The following FABP12 variants were observed in gnomAD, a reference collection of about 807,000 sequenced individuals.
FABP12 encodes fatty acid-binding protein 12.
Under a neutral mutation model 13.7 loss-of-function variants are expected in FABP12, and 19 were observed. That is an observed-to-expected ratio of 1.39 (90% CI 0.97 to 2.04). The LOEUF is 2.04. FABP12 is among the 30% of genes most tolerant of loss of function. The probability of loss-of-function intolerance (pLI) is 0.00; values close to 1 mark genes in which losing one functional copy is unlikely to be tolerated. For synonymous variants in FABP12, 61 were observed against 57.0 expected (o/e 1.07, Z -0.32); for missense variants, 182 against 164.2 (o/e 1.11, Z -0.59).
chr8:81,551,207 A>G (rs546879175), intron 1 of FABP12, among the ~76,000 whole-genome samples: 11 of 152,160 alleles, frequency 7.2e-5, no homozygotes, highest in Non-Finnish European at 1.3e-4. Context: ...ATCCCTAGAC[A>G]TGTTGATGGG....
chr8:81,529,330 T>G, intron 3 of FABP12, 108 bp downstream of exon 3: 1 of 1,088,248 alleles, frequency 9.2e-7, no homozygotes, highest in Non-Finnish European at 1.4e-6. Flanking sequence ...TAGACAAAAG[T>G]TCCTCTTAAG....
Position 81,570,296 on chromosome 8 carries a change from C to T in FABP12, c.-185+19757G>A, listed in dbSNP as rs1387253894. ...TTCTCTTTGCTCACAACATGGCAAGCGAGGCGCATGTTTCAGCCCCGTTTG... is the reference window on the plus strand; with the variant it reads ...TTCTCTTTGCTCACAACATGGCAAGTGAGGCGCATGTTTCAGCCCCGTTTG... On this transcript the variant is annotated intron_variant, in intron 1 of 5. Transcript: ENST00000692030. 1.1e-4 allele frequency among the ~76,000 whole-genome samples: 16 copies of T among 152,292 alleles called. No individual in the cohort carries two copies. The East Asian group carries it at 3.1e-3, about 29-fold the overall frequency.
intron 1 of FABP12, among the ~76,000 whole-genome samples, chr8:81,589,349 G>A (rs1810287411): frequency 6.6e-6 from 1 of 152,098 alleles, no homozygotes; most frequent in South Asian, 2.1e-4. Context: ...TTGAGCCTAG[G>A]AGTTTGAGAC....
intron 1 of FABP12, among the ~76,000 whole-genome samples, chr8:81,561,453 C>T (rs1244683717): frequency 6.6e-6 from 1 of 152,154 alleles, no homozygotes; most frequent in Non-Finnish European, 1.5e-5. Flanking sequence ...ACCCATTGTT[C>T]TCCCTGCAGA....
intron 1 of FABP12, among the ~76,000 whole-genome samples, chr8:81,574,431 C>A (rs980638426): frequency 9.2e-5 from 14 of 151,796 alleles, no homozygotes; most frequent in African/African-American, 3.4e-4. Context: ...TGTTTGTGTC[C>A]TTTCCTGTTT....
intron 1 of FABP12, among the ~76,000 whole-genome samples, chr8:81,587,954 C>G (rs1810267280): frequency 6.6e-6 from 1 of 152,094 alleles, no homozygotes; most frequent in Admixed American, 6.5e-5. Flanking sequence ...GTCCAAGAGT[C>G]CAAGAGCTGA....
At chr8:81,542,715 C>T (rs182121678) in intron 1 of FABP12, among the ~76,000 whole-genome samples, 16 of 152,300 alleles carry the variant, frequency 1.1e-4, no homozygotes, top group African/African-American at 1.7e-4. Context: ...TCCATATTTA[C>T]GCATGCACCC....
chr8:81,588,225 C>T (rs1019289385), intron 1 of FABP12, among the ~76,000 whole-genome samples: 1 of 152,186 alleles, frequency 6.6e-6, no homozygotes, highest in Non-Finnish European at 1.5e-5. Flanking sequence ...CAAATTGACA[C>T]TCAATATTAA....
chr8:81,587,004 T>G (rs899398633), intron 1 of FABP12, among the ~76,000 whole-genome samples: 1 of 152,238 alleles, frequency 6.6e-6, no homozygotes, highest in Non-Finnish European at 1.5e-5. Flanking sequence ...TTCAATCCTC[T>G]GCATATGGCT....
intron 1 of FABP12, among the ~76,000 whole-genome samples, chr8:81,544,005 C>T (rs1173926032): frequency 1.3e-5 from 2 of 151,980 alleles, no homozygotes; most frequent in African/African-American, 2.4e-5. Flanking sequence ...ATATAGAGCA[C>T]AGGAAATAAA....
intron 1 of FABP12, among the ~76,000 whole-genome samples, chr8:81,571,373 G>A (rs77516446): frequency 0.052 from 7,908 of 152,282 alleles, 247 homozygotes; most frequent in South Asian, 0.099. Context: ...GTGGACCCTG[G>A]GGTGGGTCCG....
At chr8:81,531,733 A>G (rs1809081291) in intron 1 of FABP12, among the ~76,000 whole-genome samples, 1 of 152,194 alleles carries the variant, frequency 6.6e-6, no homozygotes, top group Admixed American at 6.5e-5. Context: ...GATGATTCAG[A>G]AAAAGCCAAT....
chr8:81,569,057 T>C (rs1456639982), intron 1 of FABP12, among the ~76,000 whole-genome samples: 1 of 152,104 alleles, frequency 6.6e-6, no homozygotes, highest in East Asian at 1.9e-4. Flanking sequence ...ACAGGGTAAC[T>C]ACAGTGAACA....
intron 1 of FABP12, among the ~76,000 whole-genome samples, chr8:81,570,734 C>G (rs73277236): frequency 0.012 from 1,879 of 152,268 alleles, 42 homozygotes; most frequent in African/African-American, 0.042. Context: ...GCTAGTCGTC[C>G]TGTCATCTCT....
chr8:81,586,974 G>A (rs1289862925), intron 1 of FABP12, among the ~76,000 whole-genome samples: 7 of 152,094 alleles, frequency 4.6e-5, no homozygotes, highest in African/African-American at 1.4e-4. Flanking sequence ...TTTGTATATG[G>A]TGAAAAGTTG....
At chr8:81,553,639 C>T (rs1809559804) in intron 1 of FABP12, among the ~76,000 whole-genome samples, 1 of 152,150 alleles carries the variant, frequency 6.6e-6, no homozygotes, top group Non-Finnish European at 1.5e-5. Flanking sequence ...AATGGAGATT[C>T]GAATACAGAG....
At chr8:81,568,276 T>C (rs1288970025) in intron 1 of FABP12, among the ~76,000 whole-genome samples, 1 of 151,318 alleles carries the variant, frequency 6.6e-6, no homozygotes, top group African/African-American at 2.4e-5. Context: ...AACAACTCAA[T>C]AGGAAAAAAA....
At chr8:81,527,889 G>C (rs1434006003) in intron 3 of FABP12, among the ~76,000 whole-genome samples, 1 of 151,902 alleles carries the variant, frequency 6.6e-6, no homozygotes, top group South Asian at 2.1e-4. Context: ...AGCCTGGGTG[G>C]TTGAGGCTAC....
intron 3 of FABP12, among the ~76,000 whole-genome samples, chr8:81,528,335 T>G (rs527783661): frequency 1.3e-5 from 2 of 152,286 alleles, no homozygotes; most frequent in Non-Finnish European, 2.9e-5. Context: ...TGTTTTGGCC[T>G]CCCAAAGTGC....
Sources: allele counts gnomAD v4.1 joint callset (sites outside exome capture counted in the v4.1 genomes callset), GRCh38; gene constraint gnomAD v4.1.1; transcripts MANE v1.5; gene names NCBI Gene and HGNC (gene_info 2026-07-23, HGNC 2026-07-21).